Variants in WDR1 observed in about 807,000 individuals in gnomAD.
WDR1 encodes WD repeat-containing protein 1.
A neutral mutation model predicts 71.9 loss-of-function variants in WDR1; 21 were observed. That is an observed-to-expected ratio of 0.29 (90% confidence interval 0.21 to 0.42). WDR1 has a LOEUF of 0.42. WDR1 is among the 10% of genes least tolerant of loss of function. The pLI is 1.00. For synonymous variants in WDR1, 424 were observed against 347.4 expected, an observed-to-expected ratio of 1.22 and a Z score of -2.45; for missense variants, 696 against 824.5, an observed-to-expected ratio of 0.84 and a Z score of 1.91.
chr4:10,076,959 T>G, intron 14 of WDR1: 1 of 232,988 alleles, frequency 4.3e-6, no homozygotes, highest in Non-Finnish European at 8.3e-6. Flanking sequence ...CAACGCCACA[T>G]GAGGCTCACA....
chr4:10,084,609 C>G, intron 8 of WDR1, 79 bp from the exon 9 acceptor site: 2 of 1,415,854 alleles, frequency 1.4e-6, no homozygotes, highest in Admixed American at 1.9e-5. Context: ...ACCAACGAAG[C>G]TTCTGGGTAA....
chr4:10,086,137 G>A (rs551325162), intron 8 of WDR1, among the ~76,000 whole-genome samples: 9 of 152,284 alleles, frequency 5.9e-5, no homozygotes, highest in South Asian at 2.1e-4. Flanking sequence ...GGGCAGTAGC[G>A]AAGCCTTACT....
rs567540079 is a variant in WDR1, at chr4:10,084,167, C to G, written c.1039+276G>C. Among the ~76,000 whole-genome samples the G allele has an allele frequency of 2.0e-5, 3 of 152,360 alleles. No homozygotes were observed. In the South Asian group the frequency reaches 6.2e-4, roughly 32 times the overall value. ...AAGCTCAGGGCCGTTAAGCCACACT[C>G]TCAGGGTTGCACGACAAGAAGGGAC... On this transcript the variant is annotated intron_variant, in intron 9 of 14. Transcript: ENST00000499869.
chr4:10,104,183 T>G (rs1187331747), intron 2 of WDR1, among the ~76,000 whole-genome samples, 197 bp from the exon 3 acceptor site: 2 of 152,230 alleles, frequency 1.3e-5, no homozygotes, highest in African/African-American at 4.8e-5. Flanking sequence ...TAGAATTTCA[T>G]GTTACTTTAA....
chr4:10,080,269 C>A (rs1197576431), intron 11 of WDR1, among the ~76,000 whole-genome samples: 1 of 152,348 alleles, frequency 6.6e-6, no homozygotes, highest in Non-Finnish European at 1.5e-5. Flanking sequence ...AGACACAGGG[C>A]ACGCTGCCCT....
chr4:10,108,922 C>CA (rs1298425829), intron 2 of WDR1, among the ~76,000 whole-genome samples: 1 of 152,244 alleles, frequency 6.6e-6, no homozygotes, highest in Non-Finnish European at 1.5e-5. Flanking sequence ...ATTTGTGCCC[C>CA]ACCTGCCTTC....
intron 2 of WDR1, among the ~76,000 whole-genome samples, chr4:10,108,684 C>T (rs987254728): frequency 6.6e-6 from 1 of 152,194 alleles, no homozygotes; most frequent in African/African-American, 2.4e-5. Flanking sequence ...CAACTAAGGC[C>T]AAGGCTGAAT....
rs2109657664 is a variant in WDR1, at chr4:10,088,385, T to C, written c.637-12A>G. 2 of 1,553,012 alleles carry C rather than the reference T, an allele frequency of 1.3e-6. No individual in the cohort carries two copies. Among genetic ancestry groups the C allele is most frequent in the Non-Finnish European group, 1.7e-6 (2 of 1,147,620 alleles). On this transcript the variant is annotated splice_polypyrimidine_tract_variant and intron_variant, in intron 6 of 14. Coordinates refer to ENST00000499869, the MANE Select transcript of WDR1 (RefSeq NM_017491.5). ...TCATAGATGTATATCTTCCAAGAAATAAAAACATGTGGGTCATGTGTGTGT... is the reference window on the plus strand; with the variant it reads ...TCATAGATGTATATCTTCCAAGAAACAAAAACATGTGGGTCATGTGTGTGT...
At chr4:10,108,935 T>C (rs4697921) in intron 2 of WDR1, among the ~76,000 whole-genome samples, 101,262 of 152,174 alleles carry the variant, frequency 0.67, 34,660 homozygotes, top group Middle Eastern at 0.77. Flanking sequence ...CTGCCTTCTG[T>C]ACTACGTGGA....
At chr4:10,088,088 C>T in intron 7 of WDR1, 148 bp from the exon 8 acceptor site, 1 of 895,762 alleles carries the variant, frequency 1.1e-6, no homozygotes, top group Non-Finnish European at 1.7e-6. Flanking sequence ...AGGACAACAC[C>T]CGCCTCCAGG....
rs757982216 is a variant in WDR1, at chr4:10,083,063, G to A, written c.1155C>T (p.Asp385=). Residue 385 remains aspartate, a synonymous_variant, in exon 10 of 15, where the codon GAC becomes GAT. Transcript: ENST00000499869. ...TGAGGCTGGTGTACCGCACGGTGTCGTCCATGCTGCAGCTGATGAGCTGCC... is the reference window on the plus strand; with the variant it reads ...TGAGGCTGGTGTACCGCACGGTGTCATCCATGCTGCAGCTGATGAGCTGCC... The part of the protein sequence containing the change: ...ESGQLISCSM[D]DTVRYTSLML... The A allele has an allele frequency of 1.6e-5, 26 of 1,613,650 alleles. No homozygotes were observed. Among genetic ancestry groups the A allele is most frequent in the East Asian group, 8.9e-5 (4 of 44,890 alleles).
chr4:10,111,128 G>A (rs1357941382), intron 2 of WDR1, among the ~76,000 whole-genome samples: 3 of 152,208 alleles, frequency 2.0e-5, no homozygotes, highest in Non-Finnish European at 4.4e-5. Context: ...ACCGTAGGCT[G>A]GATCTGATTA....
At chr4:10,116,377 G>C in intron 1 of WDR1, 143 bp from the exon 2 acceptor site, 1 of 1,266,324 alleles carries the variant, frequency 7.9e-7, no homozygotes. Context: ...ACGAGCGCCA[G>C]GAACCGCGCG....
At chr4:10,110,516 T>A (rs1236719153) in intron 2 of WDR1, among the ~76,000 whole-genome samples, 1 of 152,172 alleles carries the variant, frequency 6.6e-6, no homozygotes, top group African/African-American at 2.4e-5. Flanking sequence ...CAGGTACACA[T>A]GCTGTTTCCT....
chr4:10,116,797 A>T lies in WDR1; in HGVS notation c.-131T>A, dbSNP rs1026939010. 62 of 1,101,398 alleles carry T rather than the reference A, an allele frequency of 5.6e-5. No homozygotes were observed. Among genetic ancestry groups the T allele is most frequent in the Middle Eastern group, 3.5e-4 (1 of 2,852 alleles). 68.2% of individuals were successfully genotyped at this position (1,101,398 alleles called of 1,614,324 possible). A position where few individuals can be genotyped will look rare whatever the true frequency, so the allele number is the denominator to read the frequency against. ...GCGGCACCGGGCGTGCCGGGAGTGG[A>T]GTGGGCGGTCCGAGGCCGGGGCTCA... On this transcript the variant is annotated 5_prime_UTR_variant, in exon 1 of 15. Coordinates refer to ENST00000499869, the MANE Select transcript of WDR1 (RefSeq NM_017491.5).
At chr4:10,099,177 TGG>T in intron 3 of WDR1, 38 bp from the exon 4 acceptor site, 33 of 374,300 alleles carry the variant, frequency 8.8e-5, no homozygotes, top group Non-Finnish European at 1.1e-4. Flanking sequence ...GGGGAGGCGG[TGG>T]TGGGGTAAAG....
At chr4:10,088,171 C>T (rs996055243) in intron 7 of WDR1, 122 bp downstream of exon 7, 21 of 1,047,428 alleles carry the variant, frequency 2.0e-5, no homozygotes, top group Non-Finnish European at 3.0e-5. Flanking sequence ...AGATATAAAA[C>T]CGCCCCGACT....
intron 3 of WDR1, 21 bp from the exon 4 acceptor site, chr4:10,099,160 G>A (rs758976430): frequency 4.2e-6 from 6 of 1,429,046 alleles, no homozygotes; most frequent in Middle Eastern, 2.1e-4. Context: ...CAGCGGGCGG[G>A]GGAGGGGGGG....
rs574344422 is a variant in WDR1 at position 10,081,480 on chromosome 4, T to C, written c.1197-36A>G. 11 of 1,599,198 alleles carry C rather than the reference T, an allele frequency of 6.9e-6. No homozygotes were observed. In the South Asian group the frequency reaches 7.7e-5, roughly 11 times the overall value. ...GAAAGGAAGCACATTACTTCGACAA[T>C]GCAGCAGCTCAGGGTAGGTATGCAT... On this transcript the variant is annotated intron_variant, in intron 10 of 14. Coordinates refer to ENST00000499869, the MANE Select transcript of WDR1 (RefSeq NM_017491.5).
Sources: gnomAD v4.1 joint callset for allele counts (sites outside exome capture counted in the v4.1 genomes callset) on GRCh38, gnomAD v4.1.1 for gene constraint, MANE v1.5 for transcripts, NCBI Gene and HGNC (gene_info 2026-07-23, HGNC 2026-07-21) for gene names.